MACROD2: variants seen among roughly 807,000 people sequenced by gnomAD.
MACROD2 encodes ADP-ribose glycohydrolase MACROD2.
In MACROD2, 36 loss-of-function variants were observed where a neutral mutation model predicts 70.4. The ratio of observed to expected loss-of-function variants is 0.51; its 90% CI spans 0.39 to 0.68. The LOEUF is 0.68. Ranked by LOEUF, MACROD2 falls within the 30% of genes least tolerant of loss-of-function variation. The pLI is 0.00. For synonymous variants in MACROD2, 172 were observed against 178.8 expected (o/e 0.96, Z 0.30); for missense variants, 496 against 538.4 (o/e 0.92, Z 0.78).
chr20:14,108,651 A>G (rs1160956552), intron 3 of MACROD2, among the ~76,000 whole-genome samples: 1 of 152,042 alleles, frequency 6.6e-6, no homozygotes, highest in Non-Finnish European at 1.5e-5. Context: ...TCAAGACAAA[A>G]GCTGTAAGAT....
In MACROD2 at chr20:14,575,596, G is replaced by A. The variant is rs771016564; in HGVS notation, c.301+82088G>A. Among the ~76,000 whole-genome samples, 9 of 152,232 alleles carry A rather than the reference G, an allele frequency of 5.9e-5. No individual in the cohort carries two copies. The Middle Eastern group carries it at 0.01, about 173-fold the overall frequency. ...ATTTATTCCTTGTTACACTGCATTC[G>A]ATCAATTGAATTTTAGTGAGTATTC... On this transcript the variant is annotated intron_variant, in intron 4 of 17. Coordinates refer to ENST00000684519, the MANE Select transcript of MACROD2 (RefSeq NM_001351661.2).
At chr20:15,792,012 T>C (rs1404022056) in intron 8 of MACROD2, among the ~76,000 whole-genome samples, 1 of 152,086 alleles carries the variant, frequency 6.6e-6, no homozygotes, top group Non-Finnish European at 1.5e-5. Flanking sequence ...GTATTATCTA[T>C]ATAAAAATAG....
chr20:14,550,877 GCAGTT>G (rs1978606236), intron 4 of MACROD2, among the ~76,000 whole-genome samples: 1 of 33,084 alleles, frequency 3.0e-5, no homozygotes, highest in Non-Finnish European at 6.2e-5. Context: ...TTTATCAGTA[GCAGTT>G]TTTTTTTTTT....
At chr20:14,531,322 G>T (rs1197292303) in intron 4 of MACROD2, among the ~76,000 whole-genome samples, 3 of 151,640 alleles carry the variant, frequency 2.0e-5, no homozygotes, top group African/African-American at 7.3e-5. Flanking sequence ...TGAAACACAG[G>T]GATACACAGG....
chr20:14,539,388 C>A (rs1303579295), intron 4 of MACROD2, among the ~76,000 whole-genome samples: 2 of 152,128 alleles, frequency 1.3e-5, no homozygotes, highest in African/African-American at 4.8e-5. Flanking sequence ...TCCCTTGACT[C>A]CTGCTTTTCC....
In MACROD2 at chr20:15,484,536, G is replaced by A. The variant is rs558436107; in HGVS notation, c.572-15238G>A. ...TTGAGTATTTCCCTTTCCCCAGGTT[G>A]GTTAGGATCTGATAGAACCCCAATA... On this transcript the variant is annotated intron_variant, in intron 7 of 17. Transcript: ENST00000684519. Among the ~76,000 whole-genome samples the A allele has an allele frequency of 6.6e-5, 10 of 152,128 alleles. No homozygotes were observed. The South Asian group carries it at 1.5e-3, about 22-fold the overall frequency.
chr20:15,302,869 A>G (rs1186600162), intron 6 of MACROD2, among the ~76,000 whole-genome samples: 1 of 152,172 alleles, frequency 6.6e-6, no homozygotes, highest in Non-Finnish European at 1.5e-5. Context: ...CATCTTTACA[A>G]ACGTTTATTA....
chr20:15,432,740 C>T (rs957439893), intron 7 of MACROD2, among the ~76,000 whole-genome samples: 1 of 151,892 alleles, frequency 6.6e-6, no homozygotes, highest in African/African-American at 2.4e-5. Context: ...AAACCTAATG[C>T]CTACACCAAT....
At chr20:14,563,852 A>G (rs1185577776) in intron 4 of MACROD2, among the ~76,000 whole-genome samples, 1 of 152,048 alleles carries the variant, frequency 6.6e-6, no homozygotes, top group Non-Finnish European at 1.5e-5. Flanking sequence ...AAACAATCCT[A>G]AAATTCATGT....
At chr20:14,473,815 T>A (rs1217814313) in intron 3 of MACROD2, among the ~76,000 whole-genome samples, 9 of 152,142 alleles carry the variant, frequency 5.9e-5, no homozygotes, top group Non-Finnish European at 1.3e-4. Flanking sequence ...GCATTTGTTA[T>A]CTTTTGTCTT....
intron 5 of MACROD2, among the ~76,000 whole-genome samples, chr20:14,837,452 C>G (rs2073041619): frequency 6.6e-6 from 1 of 151,996 alleles, no homozygotes; most frequent in Non-Finnish European, 1.5e-5. Flanking sequence ...TATTATTTAA[C>G]CAATTGGAGT....
chr20:15,555,828 CAAAAAAAAAA>C (rs397838341), intron 8 of MACROD2, among the ~76,000 whole-genome samples: 292 of 18,570 alleles, frequency 0.016, 1 homozygote, highest in Admixed American at 0.035. Flanking sequence ...GACTCCATCT[CAAAAAAAAAA>C]AAAAAAAAAA....
intron 5 of MACROD2, among the ~76,000 whole-genome samples, chr20:14,837,869 GA>G (rs1394320979): frequency 6.6e-6 from 1 of 151,346 alleles, no homozygotes; most frequent in East Asian, 1.9e-4. Flanking sequence ...GGTGGGGTTA[GA>G]TTTTTTTTTT....
intron 12 of MACROD2, among the ~76,000 whole-genome samples, chr20:15,961,334 G>C (rs1438508026): frequency 6.6e-6 from 1 of 152,068 alleles, no homozygotes; most frequent in Non-Finnish European, 1.5e-5. Context: ...CTCCCACAAA[G>C]GACCCAAATG....
rs374438463 is a variant in MACROD2, at chr20:14,056,250, CA to C, written c.164-29367del. ...TATGATATTTGACTTCCATATGTGA[CA>C]AAACCCCCTTTATCATTACATTTAT... On this transcript the variant is annotated intron_variant, in intron 2 of 17. Transcript: ENST00000684519. 1.6e-3 allele frequency among the ~76,000 whole-genome samples: 243 copies of C among 152,130 alleles called. 1 individual carries two copies. Among genetic ancestry groups the C allele is most frequent in the African/African-American group, 5.4e-3 (225 of 41,522 alleles).
chr20:15,210,539 A>C (rs899296501), intron 5 of MACROD2, among the ~76,000 whole-genome samples: 5 of 120,444 alleles, frequency 4.2e-5, no homozygotes, highest in Non-Finnish European at 7.2e-5. Context: ...CGTTTCTTTT[A>C]TTCTTTTCTT....
At chr20:14,776,858 C>T (rs2072241068) in intron 5 of MACROD2, among the ~76,000 whole-genome samples, 1 of 151,960 alleles carries the variant, frequency 6.6e-6, no homozygotes, top group Admixed American at 6.6e-5. Context: ...GTACCTTGGG[C>T]TAATAGATAA....
chr20:15,387,904 A>G (rs954094991), intron 6 of MACROD2, among the ~76,000 whole-genome samples: 3 of 146,544 alleles, frequency 2.0e-5, no homozygotes, highest in African/African-American at 7.6e-5. Context: ...CACCATGTCC[A>G]GCTAACTTGT....
intron 6 of MACROD2, among the ~76,000 whole-genome samples, chr20:15,420,844 G>A (rs2046217928): frequency 6.6e-6 from 1 of 152,074 alleles, no homozygotes; most frequent in Admixed American, 6.5e-5. Flanking sequence ...CCAGCACTTT[G>A]GCAGGCCGAG....
Sources: gnomAD v4.1 joint callset for allele counts (sites outside exome capture counted in the v4.1 genomes callset) on GRCh38, gnomAD v4.1.1 for gene constraint, MANE v1.5 for transcripts, NCBI Gene and HGNC (gene_info 2026-07-23, HGNC 2026-07-21) for gene names.